The following MVB12B variants were observed in gnomAD, a reference collection of about 807,000 sequenced individuals.
MVB12B encodes the protein ESCRT-I complex subunit MVB12B.
Under a neutral mutation model 41.6 loss-of-function variants are expected in MVB12B, and 16 were observed. The ratio of observed to expected loss-of-function variants is 0.38; its 90% confidence interval spans 0.26 to 0.58. The LOEUF (loss-of-function observed/expected upper bound fraction) is 0.58, where lower values mean the gene tolerates loss of function less well. Among genes scored for constraint, MVB12B ranks in the 20% least tolerant of loss-of-function variants. MVB12B has a pLI of 0.62. For missense variants in MVB12B, 274 were observed against 380.2 expected (o/e 0.72, Z 2.32); for synonymous variants, 133 against 139.7 (o/e 0.95, Z 0.34).
chr9:126,331,271 G>T (rs1208109822), intron 1 of MVB12B, among the ~76,000 whole-genome samples: 1 of 152,158 alleles, frequency 6.6e-6, no homozygotes, highest in East Asian at 1.9e-4. Flanking sequence ...CTTGCGAACA[G>T]TTATTTTGTT....
chr9:126,495,563 G>A (rs1833812387), intron 9 of MVB12B, among the ~76,000 whole-genome samples: 1 of 152,170 alleles, frequency 6.6e-6, no homozygotes. Flanking sequence ...ACAAGACACA[G>A]TCACTGTGGT....
chr9:126,388,984 AT>A (rs1830873850), intron 4 of MVB12B, among the ~76,000 whole-genome samples: 1 of 152,196 alleles, frequency 6.6e-6, no homozygotes, highest in Non-Finnish European at 1.5e-5. Flanking sequence ...TGGAGCCACA[AT>A]GGGTTTTCCA....
chr9:126,459,533 G>A lies in MVB12B; in HGVS notation c.758-21836G>A, dbSNP rs1833047583. 6.6e-6 allele frequency among the ~76,000 whole-genome samples: 1 copy of A among 152,180 alleles called. No homozygotes were observed. Among genetic ancestry groups the A allele is most frequent in the South Asian group, 2.1e-4 (1 of 4,826 alleles). ...CCTCACCCCAGCAGCACGCGGGCAC[G>A]CAGCCCACAGCAGCATTTCTCATGG... On this transcript the variant is annotated intron_variant, in intron 7 of 9. Coordinates refer to ENST00000361171, the MANE Select transcript of MVB12B (RefSeq NM_033446.3). The surrounding 1 kb of genome is among the most constrained non-coding windows in gnomAD (Gnocchi z 4.3).
intron 2 of MVB12B, among the ~76,000 whole-genome samples, chr9:126,347,272 GGA>G (rs1829620642): frequency 6.6e-6 from 1 of 152,218 alleles, no homozygotes; most frequent in Non-Finnish European, 1.5e-5. Flanking sequence ...CTGCACGCTG[GGA>G]AGCCAGCCTT....
intron 7 of MVB12B, among the ~76,000 whole-genome samples, chr9:126,458,392 G>C (rs1833028483): frequency 6.6e-6 from 1 of 152,098 alleles, no homozygotes; most frequent in Non-Finnish European, 1.5e-5. Context: ...GGGGCCTCTG[G>C]GCTGCTCCTT....
chr9:126,481,516 G>A (rs1387982203), intron 8 of MVB12B, 92 bp downstream of exon 8: 2 of 951,568 alleles, frequency 2.1e-6, no homozygotes, highest in Admixed American at 1.8e-5. Flanking sequence ...GGCTGTTCTG[G>A]CAGTACTCAC....
Position 126,376,526 on chromosome 9 carries a change from A to G in MVB12B, c.205-4538A>G. On this transcript the variant is annotated intron_variant, in intron 2 of 9. Coordinates refer to ENST00000361171, the MANE Select transcript of MVB12B (RefSeq NM_033446.3). The surrounding 1 kb of genome is among the most constrained non-coding windows in gnomAD (Gnocchi z 4.1). The stretch of plus-strand genomic sequence containing the variant: ...TGTGCTACACAGTGGGGCGACGAGC[A>G]GGGAGCTGGCTCAGATCGTGGGCTG... 7.8e-7 allele frequency: 1 copy of G among 1,289,330 alleles called. No individual in the cohort carries two copies. The highest frequency in any genetic ancestry group is 1.0e-6 in the Non-Finnish European group (1 of 988,866). The allele number at this position is 1,289,330 out of a possible 1,614,324, so 79.9% of individuals were successfully genotyped here. A position where few individuals can be genotyped will look rare whatever the true frequency, so the allele number is the denominator to read the frequency against.
In MVB12B at chr9:126,496,060, A is replaced by G. The variant is rs559048685; in HGVS notation, c.874-7117A>G. Among the ~76,000 whole-genome samples the G allele has an allele frequency of 1.3e-4, 20 of 152,238 alleles. No individual in the cohort carries two copies. In the South Asian group the frequency reaches 3.9e-3, roughly 30 times the overall value. On this transcript the variant is annotated intron_variant, in intron 9 of 9. Transcript: ENST00000361171. The stretch of plus-strand genomic sequence containing the variant: ...GTGCAGGCACAGTGCTGCTGCTACA[A>G]GGACTAGAAACCAGGATGACCTTCT...
chr9:126,439,259 C>T (rs1286666926), intron 7 of MVB12B, among the ~76,000 whole-genome samples: 5 of 150,550 alleles, frequency 3.3e-5, no homozygotes, highest in African/African-American at 9.8e-5. Context: ...AGGGAGCTCA[C>T]AGGGTCCGCT....
chr9:126,481,920 C>T (rs539461824), intron 8 of MVB12B, among the ~76,000 whole-genome samples: 30 of 152,250 alleles, frequency 2.0e-4, no homozygotes, highest in Non-Finnish European at 3.2e-4. Context: ...CTGCATTCTG[C>T]GCTCTGACAC....
chr9:126,423,747 G>C (rs941373118), intron 7 of MVB12B, among the ~76,000 whole-genome samples: 1 of 152,208 alleles, frequency 6.6e-6, no homozygotes, highest in Non-Finnish European at 1.5e-5. Flanking sequence ...AACTGGGAAG[G>C]CTGCCCGCCC....
intron 2 of MVB12B, among the ~76,000 whole-genome samples, chr9:126,342,214 C>T (rs1829462209): frequency 6.6e-6 from 1 of 152,200 alleles, no homozygotes; most frequent in Non-Finnish European, 1.5e-5. Context: ...GGAGTTCCCG[C>T]TGTGGGAGAG....
chr9:126,343,773 T>C (rs1001179537), intron 2 of MVB12B, among the ~76,000 whole-genome samples: 4 of 152,062 alleles, frequency 2.6e-5, no homozygotes, highest in African/African-American at 9.7e-5. Flanking sequence ...AAACATTAGC[T>C]GGGCGTGGTG....
rs79254054 is a variant in MVB12B, at chr9:126,494,712, G to A, written c.874-8465G>A. On this transcript the variant is annotated intron_variant, in intron 9 of 9. Coordinates refer to ENST00000361171, the MANE Select transcript of MVB12B (RefSeq NM_033446.3). Reference sequence around the variant, plus strand: ...AGGGCACCTTTTCAGAGCACCTCACGGCTCTCATTTTCCACCCAGTAACCA... The same window carrying A: ...AGGGCACCTTTTCAGAGCACCTCACAGCTCTCATTTTCCACCCAGTAACCA... 7.6e-3 allele frequency among the ~76,000 whole-genome samples: 1,163 copies of A among 152,248 alleles called. 14 individuals carry two copies. Among genetic ancestry groups the A allele is most frequent in the African/African-American group, 0.026 (1,084 of 41,532 alleles).
At chr9:126,370,883 G>C (rs1364290663) in intron 2 of MVB12B, among the ~76,000 whole-genome samples, 1 of 152,016 alleles carries the variant, frequency 6.6e-6, no homozygotes, top group Non-Finnish European at 1.5e-5. Flanking sequence ...AGATGGTTTT[G>C]TACATGTCCA....
At chr9:126,343,459 G>A (rs188269858) in intron 2 of MVB12B, among the ~76,000 whole-genome samples, 98 of 152,302 alleles carry the variant, frequency 6.4e-4, no homozygotes, top group African/African-American at 2.2e-3. Flanking sequence ...AAGCACTTCC[G>A]GCTACAGTGC....
At chr9:126,423,282 AC>A (rs1299295974) in intron 7 of MVB12B, among the ~76,000 whole-genome samples, 1 of 152,088 alleles carries the variant, frequency 6.6e-6, no homozygotes, top group Non-Finnish European at 1.5e-5. Context: ...GGCTACACCC[AC>A]TTTACCTGTG....
rs1378409240 is a variant in MVB12B, at chr9:126,504,142, CCT to C, written c.*883_*884del. On this transcript the variant is annotated 3_prime_UTR_variant, in exon 10 of 10. Transcript: ENST00000361171. ...GATACAGGCACACGGGCACCCAGCC[CCT>C]CTCAGAGCCAGGCGTGTCTTGACGG... The C allele has an allele frequency of 6.6e-6, 1 of 152,284 alleles. No individual in the cohort carries two copies. The highest frequency in any genetic ancestry group is 1.5e-5 in the Non-Finnish European group (1 of 68,088). 9.4% of individuals were successfully genotyped at this position (152,284 alleles called of 1,614,324 possible). A position where few individuals can be genotyped will look rare whatever the true frequency, so the allele number is the denominator to read the frequency against.
At chr9:126,421,991 C>T (rs1480563042) in intron 7 of MVB12B, 43 bp downstream of exon 7, 3 of 1,393,428 alleles carry the variant, frequency 2.2e-6, no homozygotes, top group Non-Finnish European at 3.0e-6. Flanking sequence ...GAGTCTGTGT[C>T]CCGGGCGCCA....
Sources: allele counts gnomAD v4.1 joint callset (sites outside exome capture counted in the v4.1 genomes callset), GRCh38; gene constraint gnomAD v4.1.1; non-coding constraint Gnocchi (gnomAD v3.1); transcripts MANE v1.5; gene names NCBI Gene and HGNC (gene_info 2026-07-23, HGNC 2026-07-21).